MME: variants seen among roughly 807,000 people sequenced by gnomAD.
MME encodes the protein membrane metalloendopeptidase.
In MME, 98 loss-of-function variants were observed where a neutral mutation model predicts 113.2. The observed-to-expected ratio is 0.87, with a 90% CI of 0.74 to 1.02. The LOEUF (loss-of-function observed/expected upper bound fraction) is 1.02. MME is among the 50% of genes least tolerant of loss of function. The pLI is 0.00. For missense variants in MME, 836 were observed against 896.0 expected (o/e 0.93, Z 0.86); for synonymous variants, 292 against 300.6 (o/e 0.97, Z 0.30).
chr3:155,076,589 G>A (rs1158625242), upstream of MME, among the ~76,000 whole-genome samples: 1 of 152,186 alleles, frequency 6.6e-6, no homozygotes, highest in East Asian at 1.9e-4. Context: ...AATTCAGAAT[G>A]AATCCATAAA....
chr3:155,042,361 T>G (rs985655556), intron 1 of MME, among the ~76,000 whole-genome samples: 4 of 152,156 alleles, frequency 2.6e-5, no homozygotes, highest in African/African-American at 9.6e-5. Context: ...GACAGAAACA[T>G]ATAATGAAAA....
upstream of MME, among the ~76,000 whole-genome samples, chr3:155,077,250 T>C (rs1714778418): frequency 6.6e-6 from 1 of 152,180 alleles, no homozygotes; most frequent in African/African-American, 2.4e-5. Context: ...TTAAAAAAAT[T>C]CATCAAGCAT....
chr3:155,044,867 C>A (rs1201675544), intron 1 of MME, among the ~76,000 whole-genome samples: 1 of 151,874 alleles, frequency 6.6e-6, no homozygotes, highest in East Asian at 1.9e-4. Flanking sequence ...TTAATTGATC[C>A]ACTTAATGCT....
chr3:155,168,421 C>T, intron 18 of MME, 71 bp from the exon 19 acceptor site: 17 of 1,353,914 alleles, frequency 1.3e-5, no homozygotes, highest in Non-Finnish European at 1.7e-5. Flanking sequence ...AGTCCTTGCA[C>T]TTTGAATTAA....
At chr3:155,135,712 A>G (rs1720569576) in intron 8 of MME, among the ~76,000 whole-genome samples, 1 of 152,140 alleles carries the variant, frequency 6.6e-6, no homozygotes, top group Admixed American at 6.6e-5. Context: ...TTGAATCTGT[A>G]TATTACTTTG....
chr3:155,147,801 T>C (rs944948101), intron 15 of MME, among the ~76,000 whole-genome samples: 3 of 152,214 alleles, frequency 2.0e-5, no homozygotes, highest in Admixed American at 2.0e-4. Context: ...GATACCCTGA[T>C]GACAGCGAGG....
At position 155,167,729 on chromosome 3, in the gene MME, T is replaced by G. The variant is rs920489475; in HGVS notation, c.1780+708T>G. Among the ~76,000 whole-genome samples the G allele has an allele frequency of 5.9e-5, 9 of 152,210 alleles. 1 individual carries two copies. The highest frequency in any genetic ancestry group is 5.2e-4 in the Admixed American group (8 of 15,268). On this transcript the variant is annotated intron_variant, in intron 18 of 22. Transcript: ENST00000360490. ...TGTTAGAATTCTTAAAAAGACTTACTAAGTGTCTATTAACTCAAACTATGC... is the reference window on the plus strand; with the variant it reads ...TGTTAGAATTCTTAAAAAGACTTACGAAGTGTCTATTAACTCAAACTATGC...
At chr3:155,093,851 G>A (rs1448038776) in intron 3 of MME, among the ~76,000 whole-genome samples, 2 of 126,758 alleles carry the variant, frequency 1.6e-5, no homozygotes, top group Non-Finnish European at 3.3e-5. Flanking sequence ...GTGAGACTCT[G>A]TCTAAAAAAA....
intron 1 of MME, among the ~76,000 whole-genome samples, chr3:155,041,763 G>A (rs1436040468): frequency 6.6e-6 from 1 of 152,124 alleles, no homozygotes; most frequent in South Asian, 2.1e-4. Flanking sequence ...TTTAATAGAA[G>A]ATAAAGAGCT....
At chr3:155,043,354 G>A (rs1283139105) in intron 1 of MME, among the ~76,000 whole-genome samples, 12 of 147,470 alleles carry the variant, frequency 8.1e-5, no homozygotes, top group African/African-American at 2.3e-4. Context: ...TTTTTGAGAC[G>A]GAGTTTCTCT....
At chr3:155,078,685 GTGTGTGTA>G (rs1306182488), upstream of MME, among the ~76,000 whole-genome samples, 6 of 151,538 alleles carry the variant, frequency 4.0e-5, no homozygotes, top group Non-Finnish European at 8.8e-5. Context: ...GTGTGTGTGT[GTGTGTGTA>G]ATTACCTGTG....
intron 18 of MME, 101 bp downstream of exon 18, chr3:155,167,122 A>T: frequency 2.1e-6 from 3 of 1,420,812 alleles, no homozygotes; most frequent in South Asian, 2.3e-5. Flanking sequence ...TTATTCAAAC[A>T]TGTATCATTT....
intron 1 of MME, among the ~76,000 whole-genome samples, chr3:155,051,249 C>T (rs753767666): frequency 6.6e-6 from 1 of 152,078 alleles, no homozygotes; most frequent in Non-Finnish European, 1.5e-5. Flanking sequence ...TCAGCAGAAG[C>T]CAAAAATTTA....
At chr3:155,026,725 C>T (rs950132108) in intron 1 of MME, among the ~76,000 whole-genome samples, 5 of 151,942 alleles carry the variant, frequency 3.3e-5, no homozygotes, top group South Asian at 2.1e-4. Flanking sequence ...CTGTCCCATT[C>T]CCCCCACCTC....
At chr3:155,106,833 A>C (rs1007105901) in intron 3 of MME, among the ~76,000 whole-genome samples, 1 of 152,210 alleles carries the variant, frequency 6.6e-6, no homozygotes, top group Non-Finnish European at 1.5e-5. Flanking sequence ...GGGTGTCCTA[A>C]GGTCTTTACA....
At chr3:155,104,069 A>T (rs557736952) in intron 3 of MME, among the ~76,000 whole-genome samples, 43 of 152,338 alleles carry the variant, frequency 2.8e-4, no homozygotes, top group African/African-American at 1.0e-3. Context: ...TATAGTTACC[A>T]TCTAGGAGTT....
intron 3 of MME, chr3:155,090,024 C>G (rs1433080919): frequency 7.4e-6 from 2 of 269,630 alleles, no homozygotes; most frequent in African/African-American, 4.4e-5. Flanking sequence ...GAAGTGTGGT[C>G]CTAAATTATC....
At chr3:155,124,962 G>A (rs373842242) in intron 8 of MME, among the ~76,000 whole-genome samples, 18 of 152,258 alleles carry the variant, frequency 1.2e-4, no homozygotes, top group South Asian at 2.1e-4. Flanking sequence ...TCGAGCTTCC[G>A]GGCTGCTTTG....
intron 3 of MME, chr3:155,089,846 G>A (rs778735851): frequency 1.8e-5 from 8 of 453,012 alleles, no homozygotes; most frequent in Non-Finnish European, 2.7e-5. Flanking sequence ...ATGGTAGCAC[G>A]CGCCTATAAT....
Sources: allele counts gnomAD v4.1 joint callset (sites outside exome capture counted in the v4.1 genomes callset), GRCh38; gene constraint gnomAD v4.1.1; transcripts MANE v1.5; gene names NCBI Gene and HGNC (gene_info 2026-07-23, HGNC 2026-07-21).